The following UBE3D variants were observed in gnomAD, a reference collection of about 807,000 sequenced individuals.
UBE3D encodes E3 ubiquitin-protein ligase E3D.
Under a neutral mutation model 49.6 loss-of-function variants are expected in UBE3D, and 48 were observed. That is an observed-to-expected ratio of 0.97 (90% confidence interval 0.77 to 1.23). The LOEUF (loss-of-function observed/expected upper bound fraction) is 1.23, where lower values mean the gene tolerates loss of function less well. UBE3D is among the 50% of genes most tolerant of loss of function. The probability of loss-of-function intolerance (pLI) is 0.00; values close to 1 mark genes in which losing one functional copy is unlikely to be tolerated. For missense variants in UBE3D, 452 were observed against 468.4 expected (o/e 0.96, Z 0.32); for synonymous variants, 189 against 174.2 (o/e 1.08, Z -0.67).
intron 8 of UBE3D, among the ~76,000 whole-genome samples, chr6:83,016,662 CATATATAAATCTTCATATATAA>C (rs1403476038): frequency 6.0e-5 from 9 of 150,796 alleles, no homozygotes; most frequent in Admixed American, 3.3e-4. Flanking sequence ...TATATAAAGC[CATATATAAATCTTCATATATAA>C]ATATATAAAT....
At chr6:82,902,230 G>A (rs1037866662) in intron 9 of UBE3D, among the ~76,000 whole-genome samples, 38 of 152,138 alleles carry the variant, frequency 2.5e-4, no homozygotes, top group Admixed American at 4.6e-4. Flanking sequence ...AAAACAGTTT[G>A]GCAGTTTATT....
chr6:83,029,803 C>T (rs145346715), intron 5 of UBE3D, among the ~76,000 whole-genome samples: 1 of 152,248 alleles, frequency 6.6e-6, no homozygotes, highest in East Asian at 1.9e-4. Flanking sequence ...AGTATGTAGC[C>T]ACTAATGTCT....
chr6:83,000,083 C>T (rs1779517620), intron 8 of UBE3D, among the ~76,000 whole-genome samples: 1 of 152,072 alleles, frequency 6.6e-6, no homozygotes, highest in South Asian at 2.1e-4. Flanking sequence ...CCAGACTCAC[C>T]CTCCTTCAAT....
intron 8 of UBE3D, among the ~76,000 whole-genome samples, chr6:82,980,986 T>C (rs1217444962): frequency 4.6e-5 from 7 of 152,122 alleles, no homozygotes; most frequent in East Asian, 1.9e-4. Flanking sequence ...TTCCTTACTA[T>C]TCCTGTTGTT....
intron 2 of UBE3D, among the ~76,000 whole-genome samples, chr6:83,056,819 G>A (rs1271661695): frequency 6.6e-6 from 1 of 152,194 alleles, no homozygotes; most frequent in Non-Finnish European, 1.5e-5. Flanking sequence ...GTTTATTACA[G>A]ATGAGGCAGC....
chr6:83,009,710 C>A (rs1780214869), intron 8 of UBE3D, among the ~76,000 whole-genome samples: 2 of 94,606 alleles, frequency 2.1e-5, no homozygotes, highest in Non-Finnish European at 4.3e-5. Flanking sequence ...AAATCTTAGC[C>A]AAGGATAAAA....
intron 9 of UBE3D, among the ~76,000 whole-genome samples, chr6:82,912,370 G>C (rs900103529): frequency 6.6e-6 from 1 of 151,628 alleles, no homozygotes; most frequent in Non-Finnish European, 1.5e-5. Flanking sequence ...TTTACAATGA[G>C]TAAACTGTAA....
At chr6:82,941,719 G>A (rs565770809) in intron 9 of UBE3D, among the ~76,000 whole-genome samples, 2 of 152,232 alleles carry the variant, frequency 1.3e-5, no homozygotes, top group African/African-American at 2.4e-5. Context: ...TGCTGCTCTC[G>A]TGATAGTGAG....
rs1310641982 is a variant in UBE3D, at chr6:82,923,576, G to T, written c.1150-30534C>A. Among the ~76,000 whole-genome samples the T allele has an allele frequency of 2.6e-5, 4 of 152,290 alleles. No homozygotes were observed. In the East Asian group the frequency reaches 7.7e-4, roughly 29 times the overall value. ...GCCTGGGGCCCTGTGGGGGTGGGGG[G>T]CTAGGGGAGGGATAACATTAGGAGA... On this transcript the variant is annotated intron_variant, in intron 9 of 9. Transcript: ENST00000369747.
chr6:82,955,377 G>C (rs575120096), intron 9 of UBE3D, among the ~76,000 whole-genome samples: 1 of 152,232 alleles, frequency 6.6e-6, no homozygotes, highest in Non-Finnish European at 1.5e-5. Flanking sequence ...AATCCTTTAA[G>C]TCAGAGTCAT....
chr6:83,024,076 C>T (rs776024769), intron 5 of UBE3D, 38 bp from the exon 6 acceptor site: 16 of 1,172,960 alleles, frequency 1.4e-5, no homozygotes, highest in East Asian at 5.1e-5. Context: ...CTCCCCAATA[C>T]ACTAATAATT....
chr6:82,898,604 A>C (rs1190914863), intron 9 of UBE3D, among the ~76,000 whole-genome samples: 1 of 151,362 alleles, frequency 6.6e-6, no homozygotes, highest in Non-Finnish European at 1.5e-5. Context: ...ACATATTCTC[A>C]CTCATAAGTG....
intron 8 of UBE3D, among the ~76,000 whole-genome samples, chr6:82,992,216 CTTTTTTTTTTTTT>C (rs386407755): frequency 2.5e-3 from 244 of 96,778 alleles, no homozygotes; most frequent in African/African-American, 9.6e-3. Flanking sequence ...ATCTGCATTC[CTTTTTTTTTTTTT>C]TTTTTTTTTT....
intron 8 of UBE3D, among the ~76,000 whole-genome samples, chr6:82,972,200 T>G (rs529281510): frequency 6.6e-6 from 1 of 152,296 alleles, no homozygotes; most frequent in Admixed American, 6.5e-5. Flanking sequence ...CCTTTATACC[T>G]CTTCCCAAGT....
chr6:82,976,363 AATATTCTATTCCTG>A (rs2127712897), intron 8 of UBE3D, among the ~76,000 whole-genome samples: 1 of 152,306 alleles, frequency 6.6e-6, no homozygotes, highest in South Asian at 2.1e-4. Flanking sequence ...CCAAAATTAA[AATATTCTATTCCTG>A]ACAGTGGCTA....
chr6:82,929,329 C>CT (rs1773975006), intron 9 of UBE3D, among the ~76,000 whole-genome samples: 1 of 152,102 alleles, frequency 6.6e-6, no homozygotes, highest in Non-Finnish European at 1.5e-5. Context: ...GAAAGGGTCA[C>CT]TTAATTGTGT....
intron 8 of UBE3D, among the ~76,000 whole-genome samples, chr6:83,011,018 TCATA>T (rs1780300147): frequency 6.6e-6 from 1 of 152,222 alleles, no homozygotes; most frequent in South Asian, 2.1e-4. Context: ...TCTCCTGAGA[TCATA>T]CATAATCTTC....
intron 8 of UBE3D, among the ~76,000 whole-genome samples, chr6:82,998,321 A>C (rs758761534): frequency 6.6e-6 from 1 of 152,266 alleles, no homozygotes; most frequent in Non-Finnish European, 1.5e-5. Context: ...AGCTGACTTT[A>C]GGATCCAAAG....
At chr6:82,885,934 A>G in the UBE3D span, among the ~76,000 whole-genome samples, 1 of 152,192 alleles carries the variant, frequency 6.6e-6, no homozygotes, top group East Asian at 1.9e-4. Context: ...TGCCTCATCC[A>G]GACAAGGATG....
Sources: allele counts gnomAD v4.1 joint callset (sites outside exome capture counted in the v4.1 genomes callset), GRCh38; gene constraint gnomAD v4.1.1; transcripts MANE v1.5; gene names NCBI Gene and HGNC (gene_info 2026-07-23, HGNC 2026-07-21).